Variants in MYO5B observed in about 807,000 individuals in gnomAD.
The protein encoded by MYO5B is myosin VB.
A neutral mutation model predicts 229.3 loss-of-function variants in MYO5B; 143 were observed. The ratio of observed to expected loss-of-function variants is 0.62; its 90% CI spans 0.54 to 0.72. The LOEUF (loss-of-function observed/expected upper bound fraction) is 0.72. Among genes scored for constraint, MYO5B ranks in the 30% least tolerant of loss-of-function variants. The probability of loss-of-function intolerance (pLI) is 0.00; values close to 1 mark genes in which losing one functional copy is unlikely to be tolerated. For missense variants in MYO5B, 2,321 were observed against 2,331.0 expected, an observed-to-expected ratio of 1.00 and a Z score of 0.09; for synonymous variants, 918 against 885.2, an observed-to-expected ratio of 1.04 and a Z score of -0.66.
At chr18:50,191,185 G>C (rs530932371) in intron 1 of MYO5B, among the ~76,000 whole-genome samples, 2 of 152,328 alleles carry the variant, frequency 1.3e-5, no homozygotes, top group Admixed American at 6.5e-5. Context: ...TAAAGCACAA[G>C]TGTGTTAATT....
chr18:50,063,574 A>G (rs1337719109), intron 1 of MYO5B, among the ~76,000 whole-genome samples: 1 of 152,192 alleles, frequency 6.6e-6, no homozygotes, highest in Admixed American at 6.5e-5. Context: ...CTCGGGGGAG[A>G]GGAGAAAAAA....
Position 49,877,869 on chromosome 18 carries a change from T to C in MYO5B, c.3290A>G (p.His1097Arg), listed in dbSNP as rs757188784. 6.2e-7 allele frequency: 1 copy of C among 1,614,158 alleles called. No homozygotes were observed. Among genetic ancestry groups the C allele is most frequent in the South Asian group, 1.1e-5 (1 of 91,084 alleles). The change falls in exon 25 of 40, where the codon CAT becomes CGT. Residue 1097 changes from histidine to arginine, a missense_variant. Around this residue, in one of 2 missense-constraint regions of MYO5B, gnomAD observed 2,113 missense variants for 2,044.7 expected, o/e 1.03. Coordinates refer to ENST00000285039, the MANE Select transcript of MYO5B (RefSeq NM_001080467.3). ...EMTIIKQTPG[H>R]RRNPSNQSSL... is the part of the protein sequence containing the mutation. The stretch of plus-strand genomic sequence containing the variant: ...ACTTTGGTTTGATGGGTTCCGCCTA[T>C]GACCTGGAGTTTGCTGTTCAACAAG...
At chr18:49,877,407 G>C (rs9951470) in intron 25 of MYO5B, among the ~76,000 whole-genome samples, 36,618 of 152,162 alleles carry the variant, frequency 0.24, 4,553 homozygotes, top group East Asian at 0.42. Context: ...ATGATATTAA[G>C]TGGGGATAAG....
At chr18:50,179,024 G>C (rs2033036122) in intron 1 of MYO5B, among the ~76,000 whole-genome samples, 1 of 152,110 alleles carries the variant, frequency 6.6e-6, no homozygotes, top group Non-Finnish European at 1.5e-5. Flanking sequence ...TTTAGAAGAG[G>C]AGATAAAATC....
At chr18:49,906,002 C>T (rs776367787) in intron 19 of MYO5B, among the ~76,000 whole-genome samples, 3 of 152,188 alleles carry the variant, frequency 2.0e-5, no homozygotes, top group Non-Finnish European at 4.4e-5. Flanking sequence ...CTTTGCAGCC[C>T]TAATCACCTG....
At chr18:50,041,031 T>C (rs2030000924) in intron 2 of MYO5B, among the ~76,000 whole-genome samples, 1 of 152,082 alleles carries the variant, frequency 6.6e-6, no homozygotes, top group African/African-American at 2.4e-5. Context: ...CTAACACAGG[T>C]AGTTTATAAG....
In MYO5B at chr18:49,827,894, C is replaced by T. The variant is rs1469708962; in HGVS notation, c.5395-1271G>A. Reference sequence around the variant, plus strand: ...ACACATTATACTAAATTGTCAAAACCCTAAGACAAAGAGGGAGTCTTGAAG... The same window carrying T: ...ACACATTATACTAAATTGTCAAAACTCTAAGACAAAGAGGGAGTCTTGAAG... On this transcript the variant is annotated intron_variant, in intron 39 of 39. Coordinates refer to ENST00000285039, the MANE Select transcript of MYO5B (RefSeq NM_001080467.3). Among the ~76,000 whole-genome samples the T allele has an allele frequency of 3.3e-5, 5 of 151,988 alleles. No individual in the cohort carries two copies. In the East Asian group the frequency reaches 7.8e-4, roughly 24 times the overall value.
intron 27 of MYO5B, among the ~76,000 whole-genome samples, chr18:49,865,723 C>G (rs1482069612): frequency 6.6e-6 from 1 of 152,220 alleles, no homozygotes; most frequent in Non-Finnish European, 1.5e-5. Flanking sequence ...TCGGTGACAG[C>G]TGTTGGCTGT....
At chr18:50,034,693 G>A (rs1469541944) in intron 4 of MYO5B, among the ~76,000 whole-genome samples, 1 of 151,952 alleles carries the variant, frequency 6.6e-6, no homozygotes, top group Non-Finnish European at 1.5e-5. Context: ...GCAGTGAGCT[G>A]ATATCGCAGC....
At chr18:49,946,674 ATC>A (rs755689802) in intron 14 of MYO5B, among the ~76,000 whole-genome samples, 152,342 of 152,342 alleles carry the variant, frequency 1, 76,171 homozygotes, top group Non-Finnish European at 1. Context: ...ATAATCTGGA[ATC>A]AACATAATCA....
At chr18:50,116,746 C>A (rs1705494) in intron 1 of MYO5B, among the ~76,000 whole-genome samples, 80,482 of 150,748 alleles carry the variant, frequency 0.53, 21,662 homozygotes, top group Admixed American at 0.63. Context: ...AGGCCCCACC[C>A]AGACCCACTA....
intron 1 of MYO5B, among the ~76,000 whole-genome samples, chr18:50,095,384 C>T (rs1300728752): frequency 6.6e-6 from 1 of 152,218 alleles, no homozygotes; most frequent in Non-Finnish European, 1.5e-5. Flanking sequence ...TTAACCTGTG[C>T]ATTCAAGGGA....
chr18:50,072,805 T>C (rs905914850), intron 1 of MYO5B, among the ~76,000 whole-genome samples: 2 of 149,988 alleles, frequency 1.3e-5, no homozygotes, highest in African/African-American at 4.9e-5. Context: ...GAGATGCCAA[T>C]AGGGAGCTCC....
rs1598822643 is a variant in MYO5B, at chr18:49,839,503, TGA to T, written c.4702-211_4702-210del. 10 of 618,768 alleles carry T rather than the reference TGA, an allele frequency of 1.6e-5. No individual in the cohort carries two copies. The East Asian group carries it at 2.9e-4, about 18-fold the overall frequency. The allele number at this position is 618,768 out of a possible 1,614,324, so 38.3% of individuals were successfully genotyped here. On this transcript the variant is annotated intron_variant, in intron 35 of 39. Transcript: ENST00000285039. ...TTGAAGGATGTAGAAAAACTCAACA[TGA>T]GAGAGAAAGCCTGAATCGCTCAGTC...
intron 1 of MYO5B, among the ~76,000 whole-genome samples, chr18:50,147,413 C>A (rs2032522221): frequency 6.6e-6 from 1 of 152,176 alleles, no homozygotes; most frequent in African/African-American, 2.4e-5. Context: ...CTGATTAGCA[C>A]CCCTTCTTCC....
intron 14 of MYO5B, among the ~76,000 whole-genome samples, chr18:49,937,992 T>C (rs2025270050): frequency 1.3e-5 from 2 of 152,194 alleles, no homozygotes; most frequent in South Asian, 4.1e-4. Flanking sequence ...AATTTTGTAA[T>C]GTATGAATGA....
intron 1 of MYO5B, among the ~76,000 whole-genome samples, chr18:50,075,041 C>T (rs910489017): frequency 6.6e-6 from 1 of 152,286 alleles, no homozygotes; most frequent in South Asian, 2.1e-4. Flanking sequence ...CATGATCTGC[C>T]TGCCTTGGCC....
At chr18:49,940,538 C>T (rs948257602) in intron 14 of MYO5B, among the ~76,000 whole-genome samples, 3 of 152,298 alleles carry the variant, frequency 2.0e-5, no homozygotes, top group South Asian at 2.1e-4. Flanking sequence ...CCTGACCTCA[C>T]TTAAGGCAGG....
At chr18:50,065,048 A>G (rs981757608) in intron 1 of MYO5B, among the ~76,000 whole-genome samples, 14 of 152,186 alleles carry the variant, frequency 9.2e-5, no homozygotes, top group African/African-American at 3.1e-4. Context: ...CACACCTCAC[A>G]TACTTGCATC....
Sources: gnomAD v4.1 joint callset for allele counts (sites outside exome capture counted in the v4.1 genomes callset) on GRCh38, gnomAD v4.1.1 for gene constraint, gnomAD v4.1.1 regional missense constraint, MANE v1.5 for transcripts, NCBI Gene and HGNC (gene_info 2026-07-23, HGNC 2026-07-21) for gene names.